The following LPIN1 variants were observed in gnomAD, a reference collection of about 807,000 sequenced individuals.
LPIN1 encodes the protein lipin 1, also known as phosphatidate phosphatase LPIN1.
Under a neutral mutation model 107.5 loss-of-function variants are expected in LPIN1, and 71 were observed. The observed-to-expected ratio is 0.66, with a 90% CI of 0.55 to 0.80. The LOEUF (loss-of-function observed/expected upper bound fraction) is 0.80. Ranked by LOEUF, LPIN1 falls within the 30% of genes least tolerant of loss-of-function variation. The probability of loss-of-function intolerance (pLI) is 0.00; values close to 1 mark genes in which losing one functional copy is unlikely to be tolerated. For synonymous variants in LPIN1, 445 were observed against 452.6 expected, an observed-to-expected ratio of 0.98 and a Z score of 0.21; for missense variants, 1,043 against 1,160.6, an observed-to-expected ratio of 0.90 and a Z score of 1.47.
At chr2:11,717,534 G>A (rs1160475252) in intron 2 of LPIN1, among the ~76,000 whole-genome samples, 1 of 143,380 alleles carries the variant, frequency 7.0e-6, no homozygotes, top group Non-Finnish European at 1.5e-5. Context: ...TTTGACATTA[G>A]CCTATCACGT....
At chr2:11,758,411 A>G (rs1183174909) in intron 1 of LPIN1, among the ~76,000 whole-genome samples, 1 of 152,132 alleles carries the variant, frequency 6.6e-6, no homozygotes, top group Non-Finnish European at 1.5e-5. Context: ...GTTTCTCCAT[A>G]TCCTTGCCAA....
At chr2:11,778,871 G>A (rs75710193) in intron 6 of LPIN1, among the ~76,000 whole-genome samples, 4,149 of 152,248 alleles carry the variant, frequency 0.027, 199 homozygotes, top group African/African-American at 0.094. Flanking sequence ...AAACATGGAG[G>A]TGGTTACTGA....
At chr2:11,759,049 T>C (rs6744803) in intron 1 of LPIN1, among the ~76,000 whole-genome samples, 47,807 of 152,122 alleles carry the variant, frequency 0.31, 10,554 homozygotes, top group African/African-American at 0.63. Context: ...CTCAGGCCAA[T>C]GCGCCCCCTT....
intron 1 of LPIN1, among the ~76,000 whole-genome samples, chr2:11,752,715 G>A (rs1475605723): frequency 3.9e-5 from 6 of 152,068 alleles, no homozygotes; most frequent in Admixed American, 2.6e-4. Flanking sequence ...ACAGGCGTGA[G>A]CCACCGCGCC....
chr2:11,787,439 C>T (rs1483440007), intron 11 of LPIN1, among the ~76,000 whole-genome samples: 2 of 117,780 alleles, frequency 1.7e-5, no homozygotes, highest in Middle Eastern at 7.1e-3. Context: ...GTAGCTCTGT[C>T]TCCCAGGCTG....
At chr2:11,746,812 G>A (rs1558788681) in intron 1 of LPIN1, 141 bp downstream of exon 1, 2 of 219,814 alleles carry the variant, frequency 9.1e-6, no homozygotes, top group Non-Finnish European at 1.5e-5. Context: ...ACCGACGGCC[G>A]GGCTACGTCC....
At chr2:11,792,175 G>A in intron 13 of LPIN1, 169 bp downstream of exon 13, 1 of 636,492 alleles carries the variant, frequency 1.6e-6, no homozygotes, top group Non-Finnish European at 2.8e-6. Context: ...ACGTGGGGAA[G>A]GTGGGGAGGA....
At chr2:11,801,053 G>C (rs1417908601) in intron 14 of LPIN1, among the ~76,000 whole-genome samples, 1 of 152,192 alleles carries the variant, frequency 6.6e-6, no homozygotes, top group African/African-American at 2.4e-5. Flanking sequence ...ACCACAGTGA[G>C]ATAGCATCTC....
chr2:11,802,512 T>C (rs956726169), intron 14 of LPIN1, among the ~76,000 whole-genome samples: 16 of 151,976 alleles, frequency 1.1e-4, no homozygotes, highest in Non-Finnish European at 2.4e-4. Flanking sequence ...GATGGATGAG[T>C]GTGGACTTGT....
At chr2:11,763,952 G>A (rs1357708050) in intron 1 of LPIN1, among the ~76,000 whole-genome samples, 1 of 129,808 alleles carries the variant, frequency 7.7e-6, no homozygotes, top group African/African-American at 3.3e-5. Context: ...CGGTGACACT[G>A]ACATATATTT....
In LPIN1 at chr2:11,711,483, T is replaced by G. The variant is rs114170746; in HGVS notation, c.82-2273T>G. Among the ~76,000 whole-genome samples, 424 of 152,230 alleles carry G rather than the reference T, an allele frequency of 2.8e-3. 1 individual carries two copies. The highest frequency in any genetic ancestry group is 9.6e-3 in the African/African-American group (399 of 41,528). ...TCCCTGGTTCTGTCTTAAAGGAAAA[T>G]CTATCCTTTTTATTTTGGGTGTGGT... On this transcript the variant is annotated intron_variant, in intron 1 of 21. Coordinates refer to the LPIN1 transcript ENST00000449576.
intron 1 of LPIN1, among the ~76,000 whole-genome samples, chr2:11,703,019 C>T (rs1662959429): frequency 2.0e-5 from 3 of 152,176 alleles, no homozygotes; most frequent in African/African-American, 7.2e-5. Flanking sequence ...AAATGAGTTA[C>T]CTGACATGCA....
intron 1 of LPIN1, chr2:11,683,186 G>A (rs963832605): frequency 3.9e-5 from 6 of 152,186 alleles, no homozygotes; most frequent in South Asian, 2.1e-4. Flanking sequence ...ACTGTGGTGC[G>A]CCCTATTATT....
At chr2:11,730,684 G>A (rs1403199461) in intron 1 of LPIN1, among the ~76,000 whole-genome samples, 1 of 152,114 alleles carries the variant, frequency 6.6e-6, no homozygotes, top group Non-Finnish European at 1.5e-5. Context: ...TTGCTGTTGG[G>A]GGCTTGAGTT....
intron 3 of LPIN1, among the ~76,000 whole-genome samples, chr2:11,768,503 T>C (rs1165521357): frequency 6.6e-6 from 1 of 152,170 alleles, no homozygotes; most frequent in African/African-American, 2.4e-5. Flanking sequence ...ATCTGGTCTT[T>C]TGTGCCTGTT....
chr2:11,692,713 C>T (rs1303854583), intron 1 of LPIN1, among the ~76,000 whole-genome samples: 1 of 152,194 alleles, frequency 6.6e-6, no homozygotes. Flanking sequence ...GTTTGTGTCA[C>T]AGGAGAAAAC....
chr2:11,779,755 G>A (rs1673259414), intron 7 of LPIN1, 110 bp downstream of exon 7: 1 of 1,374,198 alleles, frequency 7.3e-7, no homozygotes, highest in Non-Finnish European at 1.0e-6. Context: ...GGAGCCAGAG[G>A]TAAACCAAAA....
At chr2:11,801,596 G>T (rs970323054) in intron 14 of LPIN1, among the ~76,000 whole-genome samples, 5 of 152,158 alleles carry the variant, frequency 3.3e-5, no homozygotes, top group African/African-American at 1.2e-4. Flanking sequence ...TACCAGAGCT[G>T]GGAAGGGTAG....
chr2:11,685,189 G>A (rs1246218122), intron 1 of LPIN1, among the ~76,000 whole-genome samples: 2 of 152,210 alleles, frequency 1.3e-5, no homozygotes, highest in Admixed American at 1.3e-4. Flanking sequence ...CTCAGGAGGT[G>A]TCAAGGGTCC....
Sources: gnomAD v4.1 joint callset for allele counts (sites outside exome capture counted in the v4.1 genomes callset) on GRCh38, gnomAD v4.1.1 for gene constraint, MANE v1.5 for transcripts, NCBI Gene and HGNC (gene_info 2026-07-23, HGNC 2026-07-21) for gene names.